PDZD2: variants seen among roughly 807,000 people sequenced by gnomAD.
PDZD2 encodes the protein PDZ domain-containing protein 2.
A neutral mutation model predicts 220.7 loss-of-function variants in PDZD2; 90 were observed. The observed-to-expected ratio is 0.41, with a 90% confidence interval of 0.34 to 0.49. PDZD2 has a LOEUF of 0.49. PDZD2 is among the 20% of genes least tolerant of loss of function. PDZD2 has a pLI of 0.28. For synonymous variants in PDZD2, 1,375 were observed against 1,450.5 expected, an observed-to-expected ratio of 0.95 and a Z score of 1.18; for missense variants, 3,174 against 3,608.5, an observed-to-expected ratio of 0.88 and a Z score of 3.08.
chr5:31,726,939 G>T (rs761744974), intron 1 of PDZD2, among the ~76,000 whole-genome samples: 3 of 152,178 alleles, frequency 2.0e-5, no homozygotes, highest in Non-Finnish European at 2.9e-5. Context: ...TCAGCTTCTG[G>T]GGGGCCTCAG....
intron 2 of PDZD2, chr5:31,908,907 G>A (rs11949925): frequency 0.027 from 10,625 of 400,590 alleles, 996 homozygotes; most frequent in African/African-American, 0.2. Flanking sequence ...TTAGCTGGCT[G>A]TGGTTGGTGC....
At position 31,872,939 on chromosome 5, in the gene PDZD2, A is replaced by G. The variant is rs1000166154; in HGVS notation, c.476+73215A>G. On this transcript the variant is annotated intron_variant, in intron 2 of 24. Transcript: ENST00000438447. Reference sequence around the variant, plus strand: ...CGTTGCAGGACTAGTAGGGGAGATGATTGATAGTAATGGTGCTGAGACATT... The same window carrying G: ...CGTTGCAGGACTAGTAGGGGAGATGGTTGATAGTAATGGTGCTGAGACATT... Among the ~76,000 whole-genome samples the G allele has an allele frequency of 2.0e-5, 3 of 152,282 alleles. No homozygotes were observed. The East Asian group carries it at 5.8e-4, about 29-fold the overall frequency.
intron 6 of PDZD2, among the ~76,000 whole-genome samples, chr5:32,025,590 G>GTTTTTTTTTTTT (rs1754582025): frequency 1.5e-5 from 1 of 67,652 alleles, no homozygotes; most frequent in African/African-American, 7.0e-5. Context: ...TAACCATGAT[G>GTTTTTTTTTTTT]CTTTTTTTTT....
chr5:31,719,827 G>T (rs253925), intron 1 of PDZD2, among the ~76,000 whole-genome samples: 1 of 151,996 alleles, frequency 6.6e-6, no homozygotes, highest in East Asian at 1.9e-4. Flanking sequence ...ACTAGTGATA[G>T]AGAAGTAAAT....
intron 6 of PDZD2, among the ~76,000 whole-genome samples, chr5:32,014,959 T>TTTTA (rs1753670253): frequency 1.8e-5 from 2 of 112,104 alleles, no homozygotes; most frequent in African/African-American, 5.6e-5. Flanking sequence ...TTTTTTTTTT[T>TTTTA]GAGACGGAGT....
chr5:31,864,839 CTTTTTTTTTTTTTTTT>C (rs70955752), intron 2 of PDZD2, among the ~76,000 whole-genome samples: 4 of 70,932 alleles, frequency 5.6e-5, no homozygotes, highest in African/African-American at 1.2e-4. Flanking sequence ...TGAGATTTGT[CTTTTTTTTTTTTTTTT>C]TTTTTTTTTT....
chr5:31,855,781 A>G (rs1471950413), intron 2 of PDZD2, among the ~76,000 whole-genome samples: 2 of 152,258 alleles, frequency 1.3e-5, no homozygotes, highest in East Asian at 3.8e-4. Flanking sequence ...TGTTTTGATC[A>G]TAGGATCCAC....
In PDZD2 at chr5:31,980,227, C is replaced by G. The variant is rs532291482; in HGVS notation, c.477-2928C>G. Reference sequence around the variant, plus strand: ...AATTCCCCTCTCCCCCAGCTCCTGGCAAGCACTAATCTTTCTGTCTCTATG... The same window carrying G: ...AATTCCCCTCTCCCCCAGCTCCTGGGAAGCACTAATCTTTCTGTCTCTATG... On this transcript the variant is annotated intron_variant, in intron 2 of 24. Coordinates refer to ENST00000438447, the MANE Select transcript of PDZD2 (RefSeq NM_178140.4). Among the ~76,000 whole-genome samples the G allele has an allele frequency of 6.6e-5, 10 of 152,302 alleles. No individual in the cohort carries two copies. The South Asian group carries it at 1.9e-3, about 28-fold the overall frequency.
At chr5:31,773,608 C>A in intron 1 of PDZD2, among the ~76,000 whole-genome samples, 1 of 152,138 alleles carries the variant, frequency 6.6e-6, no homozygotes, top group Non-Finnish European at 1.5e-5. Context: ...CAAGGCCATG[C>A]CACAGCGCTG....
intron 2 of PDZD2, among the ~76,000 whole-genome samples, chr5:31,812,359 A>G (rs1755174803): frequency 6.6e-6 from 1 of 152,210 alleles, no homozygotes; most frequent in African/African-American, 2.4e-5. Flanking sequence ...TTCCTTGTTC[A>G]ATCGAATGTC....
At chr5:31,971,910 C>T (rs550253217) in intron 2 of PDZD2, among the ~76,000 whole-genome samples, 1 of 152,340 alleles carries the variant, frequency 6.6e-6, no homozygotes, top group South Asian at 2.1e-4. Flanking sequence ...GCTGTTTCTC[C>T]AACACAGCAG....
intron 1 of PDZD2, among the ~76,000 whole-genome samples, chr5:31,660,836 C>G (rs540199123): frequency 5.4e-4 from 82 of 152,284 alleles, no homozygotes; most frequent in African/African-American, 1.9e-3. Flanking sequence ...AGTCCTCCCC[C>G]CTCAGCCTCC....
In PDZD2 at chr5:32,090,069, G is replaced by C. The variant is rs138558075; in HGVS notation, c.6621G>C (p.Ser2207=). Residue 2207 remains serine (S), a synonymous_variant, in exon 20 of 25, where the codon TCG becomes TCC. Transcript: ENST00000438447. This position sits in a 1 kb window ranked among gnomAD's most constrained non-coding sequence, Gnocchi z 4.3. ...VPRNSIPGGP[S]GEDHLYFTPR... is the part of the protein sequence containing the mutation. The stretch of plus-strand genomic sequence containing the variant: ...GAAACAGCATTCCAGGGGGCCCCTC[G>C]GGGGAGGACCATCTCTACTTCACCC... 2 of 1,613,564 alleles carry C rather than the reference G, an allele frequency of 1.2e-6. No homozygotes were observed. Among genetic ancestry groups the C allele is most frequent in the Non-Finnish European group, 1.7e-6 (2 of 1,179,894 alleles).
At chr5:32,055,031 T>A (rs1738966697) in intron 10 of PDZD2, among the ~76,000 whole-genome samples, 2 of 152,178 alleles carry the variant, frequency 1.3e-5, no homozygotes, top group Non-Finnish European at 2.9e-5. Flanking sequence ...TAGGCCAAAG[T>A]TTCCTTTCTG....
chr5:31,669,550 A>C (rs1412836866), intron 1 of PDZD2, among the ~76,000 whole-genome samples: 1 of 152,170 alleles, frequency 6.6e-6, no homozygotes, highest in Non-Finnish European at 1.5e-5. Flanking sequence ...ATTTCATCTC[A>C]AAGTGAAGCC....
At chr5:32,018,160 G>T (rs1018200970) in intron 6 of PDZD2, among the ~76,000 whole-genome samples, 2 of 152,342 alleles carry the variant, frequency 1.3e-5, no homozygotes, top group East Asian at 3.9e-4. Context: ...ATGAATGGGC[G>T]CAGGGAGCTT....
intron 2 of PDZD2, among the ~76,000 whole-genome samples, chr5:31,913,911 C>T (rs892109760): frequency 6.7e-6 from 1 of 149,192 alleles, no homozygotes. Context: ...GGAACATTTG[C>T]ATTTTAACTG....
At chr5:32,020,747 C>T (rs1180539241) in intron 6 of PDZD2, among the ~76,000 whole-genome samples, 5 of 151,310 alleles carry the variant, frequency 3.3e-5, no homozygotes, top group East Asian at 2.0e-4. Context: ...CAGGTTCAAG[C>T]GATTCTCCTG....
At position 31,868,593 on chromosome 5, in the gene PDZD2, C is replaced by T. The variant is rs552218269; in HGVS notation, c.476+68869C>T. Among the ~76,000 whole-genome samples the T allele has an allele frequency of 1.6e-4, 24 of 152,176 alleles. No homozygotes were observed. The South Asian group carries it at 1.9e-3, about 12-fold the overall frequency. ...TGAGGATGGAGTGGGTGAGGGACTG[C>T]GCGTAGTGTTCATTACTATGCCGAC... On this transcript the variant is annotated intron_variant, in intron 2 of 24. Transcript: ENST00000438447.
Sources: allele counts gnomAD v4.1 joint callset (sites outside exome capture counted in the v4.1 genomes callset), GRCh38; gene constraint gnomAD v4.1.1; non-coding constraint Gnocchi (gnomAD v3.1); transcripts MANE v1.5; gene names NCBI Gene and HGNC (gene_info 2026-07-23, HGNC 2026-07-21).